Variants in ZNF407 observed in about 807,000 individuals in gnomAD.
ZNF407 encodes the protein zinc finger protein 407.
Under a neutral mutation model 131.2 loss-of-function variants are expected in ZNF407, and 17 were observed. That is an observed-to-expected ratio of 0.13 (90% CI 0.09 to 0.19). The LOEUF is 0.19. Ranked by LOEUF, ZNF407 falls within the 10% of genes least tolerant of loss-of-function variation. The pLI, the probability that ZNF407 is intolerant of heterozygous loss-of-function variation, is 1.00. For synonymous variants in ZNF407, 1,156 were observed against 1,062.0 expected (o/e 1.09, Z -1.72); for missense variants, 2,681 against 2,830.6 (o/e 0.95, Z 1.20).
At chr18:74,875,867 T>G (rs1336928579) in intron 4 of ZNF407, among the ~76,000 whole-genome samples, 1 of 152,164 alleles carries the variant, frequency 6.6e-6, no homozygotes, top group Non-Finnish European at 1.5e-5. Context: ...TATTTAACTA[T>G]TTTTATTTCT....
chr18:74,962,725 G>C (rs1448063037), intron 8 of ZNF407, among the ~76,000 whole-genome samples: 1 of 152,228 alleles, frequency 6.6e-6, no homozygotes, highest in Non-Finnish European at 1.5e-5. Flanking sequence ...CTGATTCCAA[G>C]AGTCAATTCT....
chr18:74,739,208 A>G (rs1043623374), intron 3 of ZNF407, among the ~76,000 whole-genome samples: 11 of 151,322 alleles, frequency 7.3e-5, no homozygotes, highest in African/African-American at 2.4e-4. Flanking sequence ...ATTTATATAT[A>G]TAGATGTGTA....
chr18:74,992,813 A>G lies in ZNF407; in HGVS notation c.5429-70337A>G, dbSNP rs1013554153. On this transcript the variant is annotated intron_variant, in intron 8 of 8. Transcript: ENST00000299687. ...TTCTCACTTCAATTTTAAGAAGACAAAGATTCAAACAAAAAATAAGCAAAA... is the reference window on the plus strand; with the variant it reads ...TTCTCACTTCAATTTTAAGAAGACAGAGATTCAAACAAAAAATAAGCAAAA... 3.0e-4 allele frequency among the ~76,000 whole-genome samples: 46 copies of G among 152,384 alleles called. 1 individual carries two copies. The highest frequency in any genetic ancestry group is 9.4e-4 in the African/African-American group (39 of 41,590).
intron 3 of ZNF407, among the ~76,000 whole-genome samples, chr18:74,749,613 A>C (rs1175842375): frequency 1.3e-5 from 2 of 152,256 alleles, no homozygotes; most frequent in African/African-American, 4.8e-5. Flanking sequence ...TCAGAAAAAA[A>C]TTCCTGTATT....
At chr18:74,619,905 G>A (rs1275946008) in intron 1 of ZNF407, among the ~76,000 whole-genome samples, 1 of 151,918 alleles carries the variant, frequency 6.6e-6, no homozygotes, top group Non-Finnish European at 1.5e-5. Context: ...TTTTTCAAAT[G>A]GCATAAGATA....
intron 3 of ZNF407, among the ~76,000 whole-genome samples, chr18:74,707,298 G>A (rs967645493): frequency 1.3e-5 from 2 of 152,052 alleles, no homozygotes; most frequent in Non-Finnish European, 2.9e-5. Context: ...TGTCAAAGTG[G>A]GTTATCAATA....
chr18:74,938,381 G>A (rs1972061790), intron 8 of ZNF407, among the ~76,000 whole-genome samples: 1 of 152,118 alleles, frequency 6.6e-6, no homozygotes. Flanking sequence ...TTTCCAGGTA[G>A]TATTTATTAG....
At chr18:74,852,213 G>A (rs1419378961) in intron 4 of ZNF407, among the ~76,000 whole-genome samples, 2 of 151,738 alleles carry the variant, frequency 1.3e-5, no homozygotes, top group Admixed American at 6.6e-5. Context: ...GCACGCACGC[G>A]CACGCGCGCG....
intron 3 of ZNF407, among the ~76,000 whole-genome samples, chr18:74,684,900 A>C (rs1202268565): frequency 6.6e-6 from 1 of 152,100 alleles, no homozygotes; most frequent in Non-Finnish European, 1.5e-5. Flanking sequence ...AATGTGTTTG[A>C]CTATAAACCT....
chr18:74,898,566 T>C (rs1971483255), intron 7 of ZNF407: 1 of 152,222 alleles, frequency 6.6e-6, no homozygotes, highest in Admixed American at 6.5e-5. Context: ...CTAATATTAA[T>C]CTTTCCTCTT....
At chr18:75,004,808 A>G (rs760842154) in intron 8 of ZNF407, among the ~76,000 whole-genome samples, 1 of 152,186 alleles carries the variant, frequency 6.6e-6, no homozygotes, top group Non-Finnish European at 1.5e-5. Context: ...AAAGTCTTTC[A>G]AAGTAGTCCC....
At chr18:75,034,361 T>C (rs867312919) in intron 8 of ZNF407, among the ~76,000 whole-genome samples, 14 of 146,744 alleles carry the variant, frequency 9.5e-5, no homozygotes, top group Middle Eastern at 3.6e-3. Context: ...TGGAGTGCAG[T>C]GGCGCGACCT....
chr18:74,649,684 C>G (rs1176964701), intron 3 of ZNF407, among the ~76,000 whole-genome samples: 2 of 152,104 alleles, frequency 1.3e-5, no homozygotes, highest in African/African-American at 4.8e-5. Context: ...GACAAGAACC[C>G]AGGACTTGTG....
intron 7 of ZNF407, among the ~76,000 whole-genome samples, chr18:74,897,605 A>C (rs1477445637): frequency 6.6e-6 from 1 of 152,222 alleles, no homozygotes; most frequent in Non-Finnish European, 1.5e-5. Context: ...GGAAGAAAGA[A>C]AGGCCTTAGA....
chr18:74,780,792 G>A (rs987928803), intron 3 of ZNF407, among the ~76,000 whole-genome samples: 1 of 152,062 alleles, frequency 6.6e-6, no homozygotes, highest in African/African-American at 2.4e-5. Context: ...GCTGATTCCT[G>A]TCCATTTCAT....
intron 3 of ZNF407, among the ~76,000 whole-genome samples, chr18:74,666,047 G>C (rs1446367603): frequency 3.3e-5 from 5 of 152,186 alleles, no homozygotes; most frequent in Admixed American, 2.6e-4. Context: ...GAGAATGGAA[G>C]CCAGCTCAGA....
chr18:74,803,553 C>T (rs1437978145), intron 4 of ZNF407, among the ~76,000 whole-genome samples: 6 of 152,056 alleles, frequency 3.9e-5, no homozygotes, highest in African/African-American at 1.4e-4. Flanking sequence ...ATATTTTCTT[C>T]CTATATTTTA....
chr18:74,628,601 A>G (rs1983905164), intron 1 of ZNF407, among the ~76,000 whole-genome samples: 1 of 151,916 alleles, frequency 6.6e-6, no homozygotes, highest in African/African-American at 2.4e-5. Flanking sequence ...TTATATTTTC[A>G]GAGACAAGGT....
At chr18:75,012,619 C>T (rs751394935) in intron 8 of ZNF407, among the ~76,000 whole-genome samples, 5 of 151,816 alleles carry the variant, frequency 3.3e-5, no homozygotes, top group Admixed American at 6.6e-5. Flanking sequence ...GCAGTTCTGC[C>T]CCCGTAATTC....
Sources: allele counts gnomAD v4.1 joint callset (sites outside exome capture counted in the v4.1 genomes callset), GRCh38; gene constraint gnomAD v4.1.1; transcripts MANE v1.5; gene names NCBI Gene and HGNC (gene_info 2026-07-23, HGNC 2026-07-21).